Variants in EVL observed in about 807,000 individuals in gnomAD.
The protein encoded by EVL is ena/VASP-like protein.
EVL carries 21 observed loss-of-function variants against 59.6 expected under a neutral mutation model. The observed-to-expected ratio is 0.35, with a 90% confidence interval of 0.25 to 0.51. The LOEUF (loss-of-function observed/expected upper bound fraction) is 0.51. Among genes scored for constraint, EVL ranks in the 20% least tolerant of loss-of-function variants. EVL has a pLI of 0.97. For synonymous variants in EVL, 198 were observed against 203.5 expected (o/e 0.97, Z 0.23); for missense variants, 462 against 546.6 (o/e 0.85, Z 1.54).
chr14:99,978,642 C>G (rs960021873), intron 1 of EVL, among the ~76,000 whole-genome samples: 9 of 152,124 alleles, frequency 5.9e-5, no homozygotes, highest in Admixed American at 2.6e-4. Context: ...TCCAGGGGGA[C>G]TTTTCATTAC....
chr14:99,972,125 C>T lies in EVL; in HGVS notation c.5+68C>T, dbSNP rs1388593514. On this transcript the variant is annotated intron_variant, in intron 1 of 13. Coordinates refer to the EVL transcript ENST00000402714. This position sits in a 1 kb window ranked among gnomAD's most constrained non-coding sequence, Gnocchi z 4.4. ...CGTCGGAGGGGCTGGGCTGGGGGCC[C>T]GCGGTGCCCCCGAGGGCGGGAGGGG... The T allele has an allele frequency of 3.3e-6, 1 of 305,280 alleles. No homozygotes were observed. The highest frequency in any genetic ancestry group is 4.8e-5 in the East Asian group (1 of 20,682). 18.9% of individuals were successfully genotyped at this position (305,280 alleles called of 1,614,324 possible).
At chr14:99,986,184 C>T (rs1328287851) in intron 1 of EVL, among the ~76,000 whole-genome samples, 4 of 145,644 alleles carry the variant, frequency 2.7e-5, no homozygotes, top group South Asian at 2.2e-4. Flanking sequence ...CCCAGCTACT[C>T]GGGAGGGTGA....
Position 99,972,651 on chromosome 14 carries a change from C to T in EVL, c.5+594C>T, listed in dbSNP as rs1240794474. 6.6e-6 allele frequency among the ~76,000 whole-genome samples: 1 copy of T among 152,052 alleles called. No homozygotes were observed. The highest frequency in any genetic ancestry group is 2.4e-5 in the African/African-American group (1 of 41,388). ...TAAAGTGCAAGGCCCCCAAATGTAC[C>T]GCTCGTTGATGTATCACCCAGCTCG... On this transcript the variant is annotated intron_variant, in intron 1 of 13. Transcript: ENST00000402714. This position sits in a 1 kb window ranked among gnomAD's most constrained non-coding sequence, Gnocchi z 4.4.
rs570442153 is a variant in EVL, at chr14:100,099,862, T to A, written c.358+2204T>A. 3.3e-5 allele frequency among the ~76,000 whole-genome samples: 5 copies of A among 151,946 alleles called. No individual in the cohort carries two copies. In the South Asian group the frequency reaches 1.0e-3, roughly 32 times the overall value. On this transcript the variant is annotated intron_variant, in intron 3 of 13. Coordinates refer to ENST00000392920, the MANE Select transcript of EVL (RefSeq NM_016337.3). The stretch of plus-strand genomic sequence containing the variant: ...TGCTGGGATTACAGGCGTGAGCCAC[T>A]GCGCCCGGCCCAGCTTTATTTTACT...
chr14:100,125,173 C>G (rs1887980005), intron 4 of EVL, among the ~76,000 whole-genome samples: 2 of 139,640 alleles, frequency 1.4e-5, no homozygotes, highest in Non-Finnish European at 3.0e-5. Context: ...CAGGAATACA[C>G]ACACACACAC....
intron 1 of EVL, among the ~76,000 whole-genome samples, chr14:99,979,024 T>G (rs1446296877): frequency 6.6e-6 from 1 of 152,246 alleles, no homozygotes; most frequent in Non-Finnish European, 1.5e-5. Flanking sequence ...GAATTCTTGT[T>G]TCTCTTTTTC....
At chr14:100,019,444 GT>G (rs932420238) in intron 1 of EVL, 11 of 541,728 alleles carry the variant, frequency 2.0e-5, no homozygotes, top group Non-Finnish European at 3.2e-5. Flanking sequence ...TGATCACATG[GT>G]TTTCTAGCTG....
At chr14:100,097,457 A>G (rs558564406) in intron 2 of EVL, 24 bp from the exon 3 acceptor site, 159 of 1,584,970 alleles carry the variant, frequency 1.0e-4, no homozygotes, top group Non-Finnish European at 1.3e-4. Flanking sequence ...ATTTACACGT[A>G]TTTCTCTCTC....
intron 3 of EVL, among the ~76,000 whole-genome samples, chr14:100,122,159 T>A (rs1252413707): frequency 6.6e-6 from 1 of 152,180 alleles, no homozygotes; most frequent in African/African-American, 2.4e-5. Context: ...GGGGGACACA[T>A]GCCCACAGCA....
At position 100,108,330 on chromosome 14, in the gene EVL, T is replaced by G. The variant is rs1886713349; in HGVS notation, c.358+10672T>G. 2.6e-5 allele frequency among the ~76,000 whole-genome samples: 4 copies of G among 152,206 alleles called. No homozygotes were observed. The South Asian group carries it at 8.3e-4, about 31-fold the overall frequency. On this transcript the variant is annotated intron_variant, in intron 3 of 13. Coordinates refer to ENST00000392920, the MANE Select transcript of EVL (RefSeq NM_016337.3). This position sits in a 1 kb window ranked among gnomAD's most constrained non-coding sequence, Gnocchi z 4.1. ...AAACCTCTTTCCATTGGAAATTACCTCTTTCTCCCCTAAAGAGAAGGAAGT... is the reference window on the plus strand; with the variant it reads ...AAACCTCTTTCCATTGGAAATTACCGCTTTCTCCCCTAAAGAGAAGGAAGT...
At chr14:99,983,526 C>T (rs932528260) in intron 1 of EVL, among the ~76,000 whole-genome samples, 6 of 152,198 alleles carry the variant, frequency 3.9e-5, no homozygotes, top group African/African-American at 1.4e-4. Flanking sequence ...CAGCCGCCTA[C>T]ACCCTTCTCC....
chr14:99,983,893 A>G (rs2060824115), intron 1 of EVL, among the ~76,000 whole-genome samples: 1 of 152,094 alleles, frequency 6.6e-6, no homozygotes, highest in African/African-American at 2.4e-5. Context: ...CCTCTTCTGT[A>G]ACTGTTTATA....
Position 99,972,128 on chromosome 14 carries a change from G to C in EVL, c.5+71G>C, listed in dbSNP as rs2060737783. ...CGGAGGGGCTGGGCTGGGGGCCCGC[G>C]GTGCCCCCGAGGGCGGGAGGGGGGC... On this transcript the variant is annotated intron_variant, in intron 1 of 13. Transcript: ENST00000402714. This position sits in a 1 kb window ranked among gnomAD's most constrained non-coding sequence, Gnocchi z 4.4. The C allele has an allele frequency of 3.2e-6, 1 of 316,638 alleles. No homozygotes were observed. The highest frequency in any genetic ancestry group is 2.2e-5 in the African/African-American group (1 of 45,618). The allele number at this position is 316,638 out of a possible 1,614,324, so 19.6% of individuals were successfully genotyped here. A position where few individuals can be genotyped will look rare whatever the true frequency, so the allele number is the denominator to read the frequency against.
chr14:100,100,862 C>T (rs985350224), intron 3 of EVL, among the ~76,000 whole-genome samples: 14 of 151,584 alleles, frequency 9.2e-5, no homozygotes, highest in Admixed American at 5.3e-4. Flanking sequence ...TGCCGAGGAC[C>T]ATGCAAAGAT....
At chr14:99,986,421 T>C (rs1768599285) in intron 1 of EVL, among the ~76,000 whole-genome samples, 1 of 151,948 alleles carries the variant, frequency 6.6e-6, no homozygotes, top group Non-Finnish European at 1.5e-5. Flanking sequence ...AGGAAAATGC[T>C]CTCCTCAATT....
At chr14:100,125,016 A>C (rs1211899456) in intron 4 of EVL, among the ~76,000 whole-genome samples, 3 of 151,532 alleles carry the variant, frequency 2.0e-5, no homozygotes, top group Non-Finnish European at 4.4e-5. Flanking sequence ...ACACACACAC[A>C]CCTGCCCCAA....
At chr14:100,060,215 G>T (rs1053901878) in intron 1 of EVL, among the ~76,000 whole-genome samples, 1 of 151,930 alleles carries the variant, frequency 6.6e-6, no homozygotes, top group South Asian at 2.1e-4. Context: ...CGGATCACGA[G>T]GTCAGGAGAT....
At chr14:100,105,635 A>G (rs1158542050) in intron 3 of EVL, among the ~76,000 whole-genome samples, 2 of 151,660 alleles carry the variant, frequency 1.3e-5, no homozygotes, top group African/African-American at 4.8e-5. Context: ...GCCTTGGGCA[A>G]CTCATTTCCC....
At chr14:99,984,556 CAT>C (rs1465284623) in intron 1 of EVL, among the ~76,000 whole-genome samples, 2 of 152,154 alleles carry the variant, frequency 1.3e-5, no homozygotes, top group Admixed American at 1.3e-4. Context: ...CTCCTGCACA[CAT>C]ATAGTTTCTC....
Sources: gnomAD v4.1 joint callset for allele counts (sites outside exome capture counted in the v4.1 genomes callset) on GRCh38, gnomAD v4.1.1 for gene constraint, Gnocchi (gnomAD v3.1) non-coding constraint, MANE v1.5 for transcripts, NCBI Gene and HGNC (gene_info 2026-07-23, HGNC 2026-07-21) for gene names.